RMDN1: variants seen among roughly 807,000 people sequenced by gnomAD.
RMDN1 encodes the protein regulator of microtubule dynamics protein 1.
In RMDN1, 48 loss-of-function variants were observed where a neutral mutation model predicts 48.9. That is an observed-to-expected ratio of 0.98 (90% confidence interval 0.78 to 1.25). RMDN1 has a LOEUF of 1.25. Among genes scored for constraint, RMDN1 ranks in the 50% most tolerant of loss-of-function variants. The probability of loss-of-function intolerance (pLI) is 0.00; values close to 1 mark genes in which losing one functional copy is unlikely to be tolerated. For synonymous variants in RMDN1, 148 were observed against 132.6 expected (o/e 1.12, Z -0.80); for missense variants, 418 against 373.4 (o/e 1.12, Z -0.98).
In RMDN1 at chr8:86,472,468, G is replaced by A; in HGVS notation, c.*1840C>T. 1.4e-6 allele frequency: 1 copy of A among 702,444 alleles called. No homozygotes were observed. The highest frequency in any genetic ancestry group is 1.5e-5 in the South Asian group (1 of 67,594). The allele number at this position is 702,444 out of a possible 1,614,324, so 43.5% of individuals were successfully genotyped here. ...ACTTCCTGGCCCTTCAGCTGCTTCT[G>A]TTTCTCTTCACCTACAAAAATAAAA... On this transcript the variant is annotated 3_prime_UTR_variant, in exon 10 of 10. Transcript: ENST00000406452.
In RMDN1 at chr8:86,473,257, T is replaced by C. The variant is rs1812826234; in HGVS notation, c.*1051A>G. ...AATCCACCTACACACACAGTCTGTC[T>C]TTATCTAAGTGGATTCAAGATGCTC... On this transcript the variant is annotated 3_prime_UTR_variant, in exon 10 of 10. Coordinates refer to ENST00000406452, the MANE Select transcript of RMDN1 (RefSeq NM_016033.3). 1 of 979,472 alleles carries C rather than the reference T, an allele frequency of 1.0e-6. No individual in the cohort carries two copies. The highest frequency in any genetic ancestry group is 1.2e-6 in the Non-Finnish European group (1 of 829,856). The allele number at this position is 979,472 out of a possible 1,614,324, so 60.7% of individuals were successfully genotyped here.
At chr8:86,509,107 C>G (rs1819895581), upstream of RMDN1, among the ~76,000 whole-genome samples, 1 of 151,948 alleles carries the variant, frequency 6.6e-6, no homozygotes, top group Non-Finnish European at 1.5e-5. Flanking sequence ...AATTATGTTG[C>G]CCAACATGAA....
intron 2 of RMDN1, chr8:86,503,846 G>A: frequency 1.7e-6 from 1 of 592,508 alleles, no homozygotes; most frequent in South Asian, 1.6e-5. Context: ...CTTTTTGACA[G>A]GTGCAATTCA....
intron 2 of RMDN1, chr8:86,503,834 C>T (rs1176590830): frequency 3.5e-6 from 2 of 568,058 alleles, no homozygotes; most frequent in African/African-American, 3.8e-5. Context: ...CTTTATCAAC[C>T]ACTTTTTGAC....
At chr8:86,482,151 C>T (rs1018692589) in intron 5 of RMDN1, 2 of 484,120 alleles carry the variant, frequency 4.1e-6, no homozygotes, top group African/African-American at 4.0e-5. Context: ...CCTGTAATCT[C>T]AGCATTTTGG....
rs1812898412 is a variant in RMDN1, at chr8:86,473,747, CAA to C, written c.*559_*560del. 1.1e-6 allele frequency: 1 copy of C among 883,512 alleles called. No individual in the cohort carries two copies. Among genetic ancestry groups the C allele is most frequent in the Non-Finnish European group, 1.4e-6 (1 of 737,168 alleles). 54.7% of individuals were successfully genotyped at this position (883,512 alleles called of 1,614,324 possible). A position where few individuals can be genotyped will look rare whatever the true frequency, so the allele number is the denominator to read the frequency against. On this transcript the variant is annotated 3_prime_UTR_variant, in exon 10 of 10. Transcript: ENST00000406452. Reference sequence around the variant, plus strand: ...TGCCACTGCACACCAGCCTGGGAAACAAAGTGAGACTCTGTCTCAAAAAAATA... The same window carrying C: ...TGCCACTGCACACCAGCCTGGGAAACAGTGAGACTCTGTCTCAAAAAAATA...
chr8:86,510,784 G>C (rs370744031), upstream of RMDN1, among the ~76,000 whole-genome samples: 4 of 152,342 alleles, frequency 2.6e-5, no homozygotes, highest in Admixed American at 6.5e-5. Flanking sequence ...AGCATAGAGA[G>C]TTGGAGTGTG....
At chr8:86,469,050 G>A (rs1812324670), downstream of RMDN1, among the ~76,000 whole-genome samples, 1 of 148,026 alleles carries the variant, frequency 6.8e-6, no homozygotes, top group South Asian at 2.1e-4. Context: ...AAATGGCCCA[G>A]GGAATAGCTC....
chr8:86,494,438 C>T (rs1199523378), intron 2 of RMDN1, among the ~76,000 whole-genome samples: 1 of 152,096 alleles, frequency 6.6e-6, no homozygotes, highest in East Asian at 1.9e-4. Context: ...TGCCTGTAGT[C>T]CCAGCTACTA....
chr8:86,485,131 C>G (rs1398665083), intron 4 of RMDN1, among the ~76,000 whole-genome samples, 170 bp from the exon 5 acceptor site: 2 of 152,098 alleles, frequency 1.3e-5, no homozygotes, highest in Non-Finnish European at 2.9e-5. Flanking sequence ...ACATGGCCCT[C>G]TAGAAACTCA....
intron 9 of RMDN1, 27 bp from the exon 10 acceptor site, chr8:86,474,385 G>C: frequency 6.5e-7 from 1 of 1,541,002 alleles, no homozygotes; most frequent in Non-Finnish European, 9.0e-7. Flanking sequence ...CATGTTATAA[G>C]TAAACAGGAG....
At chr8:86,490,994 T>TA (rs907458051) in intron 2 of RMDN1, among the ~76,000 whole-genome samples, 28 of 148,128 alleles carry the variant, frequency 1.9e-4, no homozygotes, top group Admixed American at 1.2e-3. Flanking sequence ...ACCATATCTT[T>TA]AAAAAAAAAA....
chr8:86,482,032 C>T (rs1444176407), intron 5 of RMDN1: 2 of 729,746 alleles, frequency 2.7e-6, no homozygotes, highest in South Asian at 3.2e-5. Context: ...GTCTTTGCAT[C>T]GTAAATGCTA....
At chr8:86,513,782 A>T (rs1466122600) in intron 1 of RMDN1, among the ~76,000 whole-genome samples, 1 of 152,240 alleles carries the variant, frequency 6.6e-6, no homozygotes, top group Non-Finnish European at 1.5e-5. Context: ...GAATGCCCTA[A>T]ATAAGCATAT....
chr8:86,486,578 G>C lies in RMDN1; in HGVS notation c.401C>G (p.Thr134Ser), dbSNP rs753447227. The C allele has an allele frequency of 7.4e-6, 12 of 1,612,852 alleles. No individual in the cohort carries two copies. The highest frequency in any genetic ancestry group is 9.3e-6 in the Non-Finnish European group (11 of 1,179,176). Residue 134 changes from threonine (T) to serine (S), a missense_variant, in exon 4 of 10, where the codon ACC becomes AGC. By Grantham distance (58) the Thr-to-Ser change is moderately conservative. Coordinates refer to ENST00000406452, the MANE Select transcript of RMDN1 (RefSeq NM_016033.3). ...ASRDVAQLSR[T>S]SEEEKKLLVY... ...CAATAGCTTTTTCTCCTCTTCTGAG[G>C]TTCTGCTAAGCTGAGCTACATCACG... is the stretch of plus-strand genomic sequence containing the variant.
intron 2 of RMDN1, among the ~76,000 whole-genome samples, chr8:86,501,343 T>C (rs898579620): frequency 6.6e-6 from 1 of 152,114 alleles, no homozygotes; most frequent in Non-Finnish European, 1.5e-5. Flanking sequence ...GCTACCAAAA[T>C]ACACTGAAAC....
upstream of RMDN1, among the ~76,000 whole-genome samples, chr8:86,512,797 G>C (rs1820114619): frequency 6.6e-6 from 1 of 152,176 alleles, no homozygotes; most frequent in Non-Finnish European, 1.5e-5. Flanking sequence ...TTGCAGGCCA[G>C]GCACGGTGGC....
rs1815209859 is a variant in RMDN1 at position 86,484,946 on chromosome 8, G to C, written c.511C>G (p.Leu171Val). 1 of 1,599,644 alleles carries C rather than the reference G, an allele frequency of 6.3e-7. No homozygotes were observed. Among genetic ancestry groups the C allele is most frequent in the African/African-American group, 1.3e-5 (1 of 74,428 alleles). The stretch of plus-strand genomic sequence containing the variant: ...CCTTCATAATCTCCAACATCACTAA[G>C]GCAGATTGCATACCACTGAAAATTT... ...FASHKWYAIC[L>V]SDVGDYEGIK... Residue 171 changes from leucine (L) to valine (V), a missense_variant, in exon 5 of 10, where the codon CTT (leucine) becomes GTT (valine). Transcript: ENST00000406452.
At chr8:86,477,245 A>G (rs1209318511) in intron 8 of RMDN1, 49 bp downstream of exon 8, 2 of 1,311,130 alleles carry the variant, frequency 1.5e-6, no homozygotes, top group Non-Finnish European at 2.1e-6. Context: ...TATATTCAGC[A>G]TTCATACAAT....
Sources: allele counts gnomAD v4.1 joint callset (sites outside exome capture counted in the v4.1 genomes callset), GRCh38; gene constraint gnomAD v4.1.1; transcripts MANE v1.5; gene names NCBI Gene and HGNC (gene_info 2026-07-23, HGNC 2026-07-21).